The following POLN variants were observed in gnomAD, a reference collection of about 807,000 sequenced individuals.
POLN encodes DNA polymerase N.
A neutral mutation model predicts 113.5 loss-of-function variants in POLN; 108 were observed. The observed-to-expected ratio is 0.95, with a 90% CI of 0.81 to 1.12. The LOEUF is 1.12. POLN is among the 50% of genes most tolerant of loss of function. The probability of loss-of-function intolerance (pLI) is 0.00; values close to 1 mark genes in which losing one functional copy is unlikely to be tolerated. For synonymous variants in POLN, 386 were observed against 391.5 expected (o/e 0.99, Z 0.17); for missense variants, 1,097 against 1,077.1 (o/e 1.02, Z -0.26).
At chr4:2,189,500 A>T (rs900748641) in intron 7 of POLN, among the ~76,000 whole-genome samples, 3 of 150,868 alleles carry the variant, frequency 2.0e-5, no homozygotes, top group African/African-American at 7.3e-5. Context: ...TTAGCCAGGC[A>T]TGGTGGCGGG....
At chr4:2,139,607 A>C (rs1731945887) in intron 16 of POLN, 1 of 152,170 alleles carries the variant, frequency 6.6e-6, no homozygotes, top group Non-Finnish European at 1.5e-5. Flanking sequence ...AGAAATAGGA[A>C]AATATTAAAT....
intron 2 of POLN, chr4:2,232,042 T>C (rs1214102264): frequency 2.0e-6 from 3 of 1,529,704 alleles, no homozygotes; most frequent in Non-Finnish European, 2.7e-6. Context: ...TTCCATTTGA[T>C]GTAATTTATT....
At chr4:2,098,205 G>C (rs1355493110) in intron 19 of POLN, among the ~76,000 whole-genome samples, 1 of 152,192 alleles carries the variant, frequency 6.6e-6, no homozygotes, top group Non-Finnish European at 1.5e-5. Context: ...TTTGAGGCCA[G>C]GAGTTCGAAA....
rs1266417649 is a variant in POLN at position 2,198,523 on chromosome 4, C to G, written c.908+1G>C. 6.2e-7 allele frequency: 1 copy of G among 1,604,270 alleles called. No individual in the cohort carries two copies. Among genetic ancestry groups the G allele is most frequent in the African/African-American group, 1.3e-5 (1 of 74,662 alleles). On this transcript the variant is annotated splice_donor_variant, in intron 6 of 25. Transcript: ENST00000511885. LOFTEE classifies it high-confidence loss of function. ...TGAGCCCATGTGTGAAGATTTCTTA[C>G]CGGGCAAATTGTTGATGTGCCTCCT...
At chr4:2,225,452 G>C (rs146030534) in intron 3 of POLN, among the ~76,000 whole-genome samples, 15 of 152,030 alleles carry the variant, frequency 9.9e-5, no homozygotes, top group African/African-American at 3.1e-4. Flanking sequence ...CTACTCAGGA[G>C]GCTGTGGCAG....
chr4:2,138,283 C>T (rs1213746858), intron 16 of POLN, among the ~76,000 whole-genome samples: 1 of 152,166 alleles, frequency 6.6e-6, no homozygotes, highest in African/African-American at 2.4e-5. Context: ...CCACCCAAAG[C>T]CCTAAGAGCT....
At position 2,159,268 on chromosome 4, in the gene POLN, C is replaced by G; in HGVS notation, c.1555-57G>C. The G allele has an allele frequency of 2.2e-6, 3 of 1,380,960 alleles. No homozygotes were observed. The South Asian group carries it at 3.6e-5, about 17-fold the overall frequency. 85.5% of individuals were successfully genotyped at this position (1,380,960 alleles called of 1,614,324 possible). ...TTCGTCCATTTTAACATTTTAAACA[C>G]GTATTTTCATCTGGAGAAAGTCCTC... On this transcript the variant is annotated intron_variant, in intron 13 of 25. Transcript: ENST00000511885.
intron 19 of POLN, among the ~76,000 whole-genome samples, chr4:2,110,095 C>A (rs1000924437): frequency 1.3e-5 from 2 of 152,198 alleles, no homozygotes; most frequent in Non-Finnish European, 2.9e-5. Context: ...TCACTCAAAA[C>A]CGCTCAACTA....
chr4:2,098,195 T>C (rs184786231), intron 19 of POLN, among the ~76,000 whole-genome samples: 8 of 152,210 alleles, frequency 5.3e-5, no homozygotes, highest in Admixed American at 4.6e-4. Flanking sequence ...GGAGGGATCA[T>C]TTGAGGCCAG....
At chr4:2,209,370 C>T (rs1733933772) in intron 4 of POLN, among the ~76,000 whole-genome samples, 1 of 150,870 alleles carries the variant, frequency 6.6e-6, no homozygotes, top group Admixed American at 6.6e-5. Flanking sequence ...ATCCCAGCTA[C>T]TCAGGAGGCT....
chr4:2,193,653 C>T (rs1029930592), intron 6 of POLN, among the ~76,000 whole-genome samples: 2 of 152,208 alleles, frequency 1.3e-5, no homozygotes, highest in Non-Finnish European at 2.9e-5. Context: ...CTCTCTAGCC[C>T]GTTCTCCCAG....
At chr4:2,240,627 T>G (rs749704441) in intron 2 of POLN, 3 of 1,613,686 alleles carry the variant, frequency 1.9e-6, no homozygotes, top group Non-Finnish European at 2.5e-6. Flanking sequence ...CAGTAGAGTT[T>G]GAACCTCATC....
chr4:2,094,156 G>C (rs933931215), intron 20 of POLN, among the ~76,000 whole-genome samples: 1 of 151,996 alleles, frequency 6.6e-6, no homozygotes, highest in Non-Finnish European at 1.5e-5. Flanking sequence ...AGACCAGCCT[G>C]GCCAACATGG....
chr4:2,127,534 T>A lies in POLN; in HGVS notation c.1982+579A>T, dbSNP rs1240246107. ...AGAGAGCCTTGCACCCGTCTCTCCATCCTGCTTTGGAGACCGGAGCAGGTA... is the reference window on the plus strand; with the variant it reads ...AGAGAGCCTTGCACCCGTCTCTCCAACCTGCTTTGGAGACCGGAGCAGGTA... On this transcript the variant is annotated intron_variant, in intron 19 of 25. Coordinates refer to ENST00000511885, the MANE Select transcript of POLN (RefSeq NM_181808.4). The surrounding 1 kb of genome is among the most constrained non-coding windows in gnomAD (Gnocchi z 4.7). Among the ~76,000 whole-genome samples the A allele has an allele frequency of 6.6e-6, 1 of 152,122 alleles. No individual in the cohort carries two copies. Among genetic ancestry groups the A allele is most frequent in the African/African-American group, 2.4e-5 (1 of 41,422 alleles).
intron 2 of POLN, among the ~76,000 whole-genome samples, chr4:2,237,497 G>A (rs1019201303): frequency 2.6e-5 from 4 of 151,630 alleles, no homozygotes; most frequent in African/African-American, 9.7e-5. Context: ...AAAGGGAGAG[G>A]AAGGAAGGGA....
rs61215443 is a variant in POLN at position 2,155,488 on chromosome 4, T to C, written c.1731+1300A>G. 2.3e-3 allele frequency among the ~76,000 whole-genome samples: 344 copies of C among 152,244 alleles called. 1 individual carries two copies. Among genetic ancestry groups the C allele is most frequent in the African/African-American group, 7.8e-3 (324 of 41,544 alleles). Reference sequence around the variant, plus strand: ...CCTCTTCCTCACACAGTCACCTGAGTGTGTCCCTCTGCCTGCATGCACTCG... The same window carrying C: ...CCTCTTCCTCACACAGTCACCTGAGCGTGTCCCTCTGCCTGCATGCACTCG... On this transcript the variant is annotated intron_variant, in intron 16 of 25. Transcript: ENST00000511885.
intron 16 of POLN, among the ~76,000 whole-genome samples, chr4:2,132,933 T>C (rs1037773131): frequency 6.6e-6 from 1 of 152,210 alleles, no homozygotes; most frequent in Non-Finnish European, 1.5e-5. Flanking sequence ...TGGGTAAATA[T>C]AATAAATCAG....
chr4:2,101,501 T>C, intron 19 of POLN, among the ~76,000 whole-genome samples: 1 of 152,184 alleles, frequency 6.6e-6, no homozygotes, highest in Non-Finnish European at 1.5e-5. Context: ...GTGATAATCT[T>C]TCTGTGGTCC....
At chr4:2,139,293 T>C (rs974264749) in intron 16 of POLN, among the ~76,000 whole-genome samples, 25 of 152,118 alleles carry the variant, frequency 1.6e-4, no homozygotes, top group African/African-American at 6.0e-4. Flanking sequence ...TCCCCTGGGG[T>C]CAGCAAGGCT....
Sources: gnomAD v4.1 joint callset for allele counts (sites outside exome capture counted in the v4.1 genomes callset) on GRCh38, gnomAD v4.1.1 for gene constraint, Gnocchi (gnomAD v3.1) non-coding constraint, MANE v1.5 for transcripts, NCBI Gene and HGNC (gene_info 2026-07-23, HGNC 2026-07-21) for gene names.